The following LYZL6 variants were observed in gnomAD, a reference collection of about 807,000 sequenced individuals.
LYZL6 encodes lysozyme like 6.
LYZL6 carries 21 observed loss-of-function variants against 15.0 expected under a neutral mutation model. The ratio of observed to expected loss-of-function variants is 1.40; its 90% CI spans 1.00 to 2.02. The LOEUF (loss-of-function observed/expected upper bound fraction) is 2.02. LYZL6 is among the 30% of genes most tolerant of loss of function. The pLI, the probability that LYZL6 is intolerant of heterozygous loss-of-function variation, is 0.00. For synonymous variants in LYZL6, 72 were observed against 67.8 expected (o/e 1.06, Z -0.31); for missense variants, 173 against 180.5 (o/e 0.96, Z 0.24).
intron 4 of LYZL6, among the ~76,000 whole-genome samples, chr17:35,936,314 A>T (rs117535097): frequency 1.1e-4 from 16 of 152,282 alleles, no homozygotes; most frequent in South Asian, 6.2e-4. Flanking sequence ...GTTGCTTAGG[A>T]CTTTAGCTTA....
intron 3 of LYZL6, among the ~76,000 whole-genome samples, chr17:35,937,039 G>A (rs1358892551): frequency 6.6e-6 from 1 of 152,240 alleles, no homozygotes; most frequent in Non-Finnish European, 1.5e-5. Flanking sequence ...AGGGGCAAGA[G>A]GCCTGAGATT....
At chr17:35,936,572 A>C in intron 4 of LYZL6, 183 bp downstream of exon 4, 1 of 512,646 alleles carries the variant, frequency 2.0e-6, no homozygotes, top group Non-Finnish European at 3.5e-6. Context: ...CTGCAACCAG[A>C]AGAGTTTTGT....
chr17:35,943,058 C>T (rs749080623), intron 1 of LYZL6, among the ~76,000 whole-genome samples: 1 of 151,920 alleles, frequency 6.6e-6, no homozygotes, highest in Non-Finnish European at 1.5e-5. Flanking sequence ...CCCTCTCTAG[C>T]CCATTTATAA....
At chr17:35,934,936 G>T in intron 4 of LYZL6, 71 bp from the exon 5 acceptor site, 1 of 1,476,992 alleles carries the variant, frequency 6.8e-7, no homozygotes, top group Non-Finnish European at 9.4e-7. Context: ...CCAGTTCTTG[G>T]TGAGTCTCGC....
intron 4 of LYZL6, 94 bp downstream of exon 4, chr17:35,936,661 G>T: frequency 1.0e-6 from 1 of 1,004,328 alleles, no homozygotes; most frequent in Non-Finnish European, 1.6e-6. Flanking sequence ...GACACTGCAA[G>T]GGCGTGCCCG....
chr17:35,943,200 G>T (rs188955705), intron 1 of LYZL6, among the ~76,000 whole-genome samples: 3 of 152,036 alleles, frequency 2.0e-5, no homozygotes, highest in African/African-American at 7.2e-5. Flanking sequence ...CTGCGACCTC[G>T]ATCTCCTTAA....
intron 3 of LYZL6, among the ~76,000 whole-genome samples, 188 bp downstream of exon 3, chr17:35,937,570 C>T (rs900373725): frequency 2.2e-4 from 34 of 152,190 alleles, no homozygotes; most frequent in Middle Eastern, 3.2e-3. Flanking sequence ...TACTCAGGGA[C>T]TCTATAGAAT....
At chr17:35,936,225 C>A (rs1198035887) in intron 4 of LYZL6, among the ~76,000 whole-genome samples, 3 of 152,206 alleles carry the variant, frequency 2.0e-5, no homozygotes, top group Admixed American at 1.3e-4. Context: ...ACCAAGGGGG[C>A]ACACATGGTC....
intron 1 of LYZL6, among the ~76,000 whole-genome samples, chr17:35,940,020 C>T (rs533258630): frequency 1.1e-3 from 165 of 152,228 alleles, no homozygotes; most frequent in Non-Finnish European, 2.0e-3. Context: ...CATGATTTTT[C>T]CCAAGGGCAT....
At chr17:35,936,147 T>C (rs2089370922) in intron 4 of LYZL6, among the ~76,000 whole-genome samples, 2 of 152,208 alleles carry the variant, frequency 1.3e-5, no homozygotes, top group Non-Finnish European at 2.9e-5. Context: ...TTGTCAATTA[T>C]GGCCACAGGG....
intron 3 of LYZL6, among the ~76,000 whole-genome samples, chr17:35,937,557 T>C (rs1039273317): frequency 1.8e-4 from 27 of 152,190 alleles, no homozygotes; most frequent in Admixed American, 3.9e-4. Context: ...CCTTCCTGGA[T>C]CCTACTCAGG....
chr17:35,937,619 C>T, intron 3 of LYZL6, 139 bp downstream of exon 3: 2 of 911,772 alleles, frequency 2.2e-6, no homozygotes, highest in Non-Finnish European at 3.3e-6. Context: ...TACTCCAGCC[C>T]TCTGCTCAGT....
At chr17:35,937,692 G>A in intron 3 of LYZL6, 66 bp downstream of exon 3, 1 of 1,538,884 alleles carries the variant, frequency 6.5e-7, no homozygotes, top group South Asian at 1.2e-5. Context: ...TGGGTGGGAA[G>A]AGAAGTTCTG....
At chr17:35,936,323 T>A (rs984138760) in intron 4 of LYZL6, among the ~76,000 whole-genome samples, 4 of 152,186 alleles carry the variant, frequency 2.6e-5, no homozygotes, top group Non-Finnish European at 5.9e-5. Flanking sequence ...GACTTTAGCT[T>A]ATTAACTTTG....
intron 1 of LYZL6, among the ~76,000 whole-genome samples, chr17:35,942,565 A>G (rs1300629965): frequency 3.3e-5 from 5 of 152,146 alleles, no homozygotes; most frequent in African/African-American, 1.2e-4. Context: ...CCCCAGCAGA[A>G]AACTTTCCTT....
chr17:35,940,468 G>A (rs564928853), intron 1 of LYZL6, among the ~76,000 whole-genome samples: 5 of 152,278 alleles, frequency 3.3e-5, no homozygotes, highest in South Asian at 2.1e-4. Context: ...AAGGGGCACC[G>A]ACTGGCCAGA....
intron 1 of LYZL6, among the ~76,000 whole-genome samples, chr17:35,943,238 C>G (rs534118008): frequency 9.8e-5 from 15 of 152,302 alleles, no homozygotes; most frequent in African/African-American, 3.6e-4. Context: ...TTGGTATTTA[C>G]TTCAGACAAT....
chr17:35,937,965 TGA>T, intron 2 of LYZL6, 49 bp from the exon 3 acceptor site: 2 of 1,577,568 alleles, frequency 1.3e-6, no homozygotes, highest in Admixed American at 3.4e-5. Context: ...CCAAGCTGAG[TGA>T]GAAGGGAGAT....
At chr17:35,936,274 G>C (rs2089372114) in intron 4 of LYZL6, among the ~76,000 whole-genome samples, 1 of 152,352 alleles carries the variant, frequency 6.6e-6, no homozygotes, top group East Asian at 1.9e-4. Flanking sequence ...CAGGAACTTG[G>C]ACTGGGACTG....
Sources: gnomAD v4.1 joint callset for allele counts (sites outside exome capture counted in the v4.1 genomes callset) on GRCh38, gnomAD v4.1.1 for gene constraint, MANE v1.5 for transcripts, NCBI Gene and HGNC (gene_info 2026-07-23, HGNC 2026-07-21) for gene names.